Variants in NARS2 observed in about 807,000 individuals in gnomAD.
NARS2 encodes the protein asparaginyl-tRNA synthetase.
In NARS2, 60 loss-of-function variants were observed where a neutral mutation model predicts 62.9. The ratio of observed to expected loss-of-function variants is 0.95; its 90% CI spans 0.77 to 1.18. The LOEUF is 1.18. NARS2 is among the 50% of genes most tolerant of loss of function. The pLI, the probability that NARS2 is intolerant of heterozygous loss-of-function variation, is 0.00. For missense variants in NARS2, 619 were observed against 576.4 expected, an observed-to-expected ratio of 1.07 and a Z score of -0.76; for synonymous variants, 196 against 200.0, an observed-to-expected ratio of 0.98 and a Z score of 0.17.
chr11:78,471,627 G>A (rs1203954064), intron 9 of NARS2, among the ~76,000 whole-genome samples: 1 of 151,140 alleles, frequency 6.6e-6, no homozygotes, highest in Non-Finnish European at 1.5e-5. Flanking sequence ...CTGGTGCGCT[G>A]CACCCACTAA....
chr11:78,559,301 CAAAAAAAAAAAA>C (rs10627726), intron 5 of NARS2, among the ~76,000 whole-genome samples: 4 of 58,452 alleles, frequency 6.8e-5, no homozygotes, highest in South Asian at 1.1e-3. Flanking sequence ...GACTCCATCT[CAAAAAAAAAAAA>C]AAAAAAAAAA....
intron 3 of NARS2, among the ~76,000 whole-genome samples, chr11:78,566,641 G>A (rs1356363406): frequency 2.0e-5 from 3 of 152,130 alleles, no homozygotes; most frequent in African/African-American, 7.2e-5. Flanking sequence ...TCAAAATATT[G>A]TAGATATTAA....
chr11:78,464,347 A>C (rs796654417), intron 11 of NARS2, among the ~76,000 whole-genome samples: 5 of 152,274 alleles, frequency 3.3e-5, no homozygotes, highest in African/African-American at 1.2e-4. Context: ...CACAGTGTGG[A>C]AGGGGACCCG....
intron 12 of NARS2, among the ~76,000 whole-genome samples, chr11:78,441,326 A>C (rs1857571095): frequency 2.0e-5 from 3 of 152,262 alleles, no homozygotes; most frequent in Admixed American, 2.0e-4. Flanking sequence ...TAAATGGTTT[A>C]CACAATAAAT....
At chr11:78,485,625 G>T (rs570837225) in intron 7 of NARS2, among the ~76,000 whole-genome samples, 1 of 152,132 alleles carries the variant, frequency 6.6e-6, no homozygotes, top group East Asian at 1.9e-4. Flanking sequence ...CTAGAAGAAA[G>T]CTCCTACTAC....
chr11:78,554,439 G>C (rs1031533151), intron 5 of NARS2, among the ~76,000 whole-genome samples: 2 of 151,584 alleles, frequency 1.3e-5, no homozygotes, highest in Admixed American at 1.3e-4. Flanking sequence ...ATTTCTTTGA[G>C]CAGTGTTTTA....
chr11:78,499,077 C>T lies in NARS2; in HGVS notation c.690-5882G>A, dbSNP rs113493408. ...GACTACAGGCGCCCGCCACCACGCC[C>T]GGCTAATTTTTTGTATTTTCAGTAG... On this transcript the variant is annotated intron_variant, in intron 6 of 13. Coordinates refer to ENST00000281038, the MANE Select transcript of NARS2 (RefSeq NM_024678.6). 5.8e-3 allele frequency among the ~76,000 whole-genome samples: 883 copies of T among 151,794 alleles called. 8 individuals carry two copies. Among genetic ancestry groups the T allele is most frequent in the African/African-American group, 0.021 (852 of 41,388 alleles).
intron 6 of NARS2, among the ~76,000 whole-genome samples, chr11:78,512,281 C>T (rs1000819262): frequency 3.3e-5 from 5 of 152,182 alleles, no homozygotes; most frequent in African/African-American, 1.2e-4. Flanking sequence ...CAATCCTCTG[C>T]TTTGTATGAA....
At chr11:78,447,011 T>C (rs1167969933) in intron 11 of NARS2, among the ~76,000 whole-genome samples, 2 of 147,714 alleles carry the variant, frequency 1.4e-5, no homozygotes, top group Non-Finnish European at 3.0e-5. Context: ...ATAACGTGAT[T>C]AAAAAAAGGT....
At chr11:78,530,739 T>C (rs980828694) in intron 5 of NARS2, among the ~76,000 whole-genome samples, 1 of 152,212 alleles carries the variant, frequency 6.6e-6, no homozygotes, top group Non-Finnish European at 1.5e-5. Flanking sequence ...AGTGCTGAGA[T>C]TACAGGCATG....
chr11:78,531,022 TAAA>T (rs1861458414), intron 5 of NARS2, among the ~76,000 whole-genome samples: 1 of 152,010 alleles, frequency 6.6e-6, no homozygotes, highest in African/African-American at 2.4e-5. Flanking sequence ...CTCAGAATAT[TAAA>T]GAGGGTATAT....
chr11:78,476,470 C>G lies in NARS2; in HGVS notation c.959+1968G>C, dbSNP rs558617741. Among the ~76,000 whole-genome samples, 398 of 152,338 alleles carry G rather than the reference C, an allele frequency of 2.6e-3. 7 individuals are homozygous for G. The highest frequency in any genetic ancestry group is 0.02 in the Middle Eastern group (6 of 294). ...GTGCCTACTTAGGGAAGGGAGGATTCAGTCAAACTGAGACCATTGCTCCTA... is the reference window on the plus strand; with the variant it reads ...GTGCCTACTTAGGGAAGGGAGGATTGAGTCAAACTGAGACCATTGCTCCTA... On this transcript the variant is annotated intron_variant, in intron 9 of 13. Coordinates refer to ENST00000281038, the MANE Select transcript of NARS2 (RefSeq NM_024678.6).
At chr11:78,457,725 T>C (rs1858217776) in intron 11 of NARS2, among the ~76,000 whole-genome samples, 1 of 152,022 alleles carries the variant, frequency 6.6e-6, no homozygotes. Flanking sequence ...CCAGTACTGT[T>C]GAAGGTAAGA....
intron 2 of NARS2, among the ~76,000 whole-genome samples, chr11:78,570,864 A>G (rs1254229116): frequency 1.3e-5 from 2 of 152,216 alleles, no homozygotes; most frequent in Non-Finnish European, 2.9e-5. Context: ...AATACAGTTG[A>G]TTACCATTCA....
At chr11:78,484,331 C>T (rs186049376) in intron 7 of NARS2, among the ~76,000 whole-genome samples, 138 of 152,152 alleles carry the variant, frequency 9.1e-4, no homozygotes, top group African/African-American at 2.8e-3. Context: ...CAGGCATAGG[C>T]AAAGACTTCA....
rs907931040 is a variant in NARS2, at chr11:78,568,812, T to A, written c.252-60A>T. On this transcript the variant is annotated intron_variant, in intron 2 of 13. Coordinates refer to ENST00000281038, the MANE Select transcript of NARS2 (RefSeq NM_024678.6). ...ATTATATACAACCTTCATTTTAATA[T>A]CAACTTTGCAATAAGAATATTAAAA... The A allele has an allele frequency of 6.7e-6, 9 of 1,346,348 alleles. No individual in the cohort carries two copies. In the Admixed American group the frequency reaches 1.7e-4, roughly 26 times the overall value. The allele number at this position is 1,346,348 out of a possible 1,614,324, so 83.4% of individuals were successfully genotyped here. A position where few individuals can be genotyped will look rare whatever the true frequency, so the allele number is the denominator to read the frequency against.
At chr11:78,543,055 G>A (rs1855690849) in intron 5 of NARS2, among the ~76,000 whole-genome samples, 1 of 152,200 alleles carries the variant, frequency 6.6e-6, no homozygotes, top group Admixed American at 6.5e-5. Flanking sequence ...GTGGGTGCCT[G>A]TAATCCCAGC....
chr11:78,504,356 A>G (rs577487049), intron 6 of NARS2, among the ~76,000 whole-genome samples: 71 of 151,672 alleles, frequency 4.7e-4, no homozygotes, highest in Middle Eastern at 3.5e-3. Flanking sequence ...GGTTTTGCAT[A>G]TTCTCCAACT....
At chr11:78,462,969 G>A (rs1394217557) in intron 11 of NARS2, among the ~76,000 whole-genome samples, 1 of 152,096 alleles carries the variant, frequency 6.6e-6, no homozygotes, top group African/African-American at 2.4e-5. Context: ...CTGTCTCATA[G>A]ACTTTTACAA....
Sources: allele counts gnomAD v4.1 joint callset (sites outside exome capture counted in the v4.1 genomes callset), GRCh38; gene constraint gnomAD v4.1.1; transcripts MANE v1.5; gene names NCBI Gene and HGNC (gene_info 2026-07-23, HGNC 2026-07-21).